The following PDE12 variants were observed in gnomAD, a reference collection of about 807,000 sequenced individuals.
The protein encoded by PDE12 is 2',5'-phosphodiesterase 12.
Under a neutral mutation model 45.4 loss-of-function variants are expected in PDE12, and 26 were observed. The observed-to-expected ratio is 0.57, with a 90% CI of 0.42 to 0.79. PDE12 has a LOEUF of 0.79. PDE12 is among the 30% of genes least tolerant of loss of function. The pLI, the probability that PDE12 is intolerant of heterozygous loss-of-function variation, is 0.00. For synonymous variants in PDE12, 283 were observed against 323.9 expected, an observed-to-expected ratio of 0.87 and a Z score of 1.36; for missense variants, 668 against 790.0, an observed-to-expected ratio of 0.85 and a Z score of 1.85.
At chr3:57,619,586 TGGCTC>T in the PDE12 span, 3 of 152,292 alleles carry the variant, frequency 2.0e-5, no homozygotes, top group Non-Finnish European at 4.4e-5. Context: ...CTGGGTGCGG[TGGCTC>T]ACGCCTGTAA....
the PDE12 span, chr3:57,577,184 TTTC>T: frequency 2.4e-5 from 18 of 743,772 alleles, no homozygotes; most frequent in African/African-American, 2.3e-4. Flanking sequence ...GATAATATAG[TTTC>T]TTAAGTTTAT....
the PDE12 span, among the ~76,000 whole-genome samples, chr3:57,608,606 G>C: frequency 2.4e-3 from 359 of 151,968 alleles, no homozygotes; most frequent in Middle Eastern, 0.014. Context: ...TGATAAAACA[G>C]ACTTTAAACC....
chr3:57,575,750 A>G, the PDE12 span: 529 of 1,423,396 alleles, frequency 3.7e-4, no homozygotes, highest in Non-Finnish European at 4.7e-4. Context: ...TATATACTTT[A>G]CTCAGCATTA....
Position 57,561,813 on chromosome 3 carries a change from TAGTA to T in PDE12, c.*1813_*1816del. 1 of 984,850 alleles carries T rather than the reference TAGTA, an allele frequency of 1.0e-6. No individual in the cohort carries two copies. Among genetic ancestry groups the T allele is most frequent in the Non-Finnish European group, 1.2e-6 (1 of 829,424 alleles). The allele number at this position is 984,850 out of a possible 1,614,324, so 61.0% of individuals were successfully genotyped here. A position where few individuals can be genotyped will look rare whatever the true frequency, so the allele number is the denominator to read the frequency against. On this transcript the variant is annotated 3_prime_UTR_variant, in exon 3 of 3. Transcript: ENST00000311180. ...CACTATCAAATGTATTGTTAACACT[TAGTA>T]AGTTTGAAAATGAAGGGGTTTTATC...
At chr3:57,612,564 A>AGAT in the PDE12 span, among the ~76,000 whole-genome samples, 2 of 152,042 alleles carry the variant, frequency 1.3e-5, no homozygotes, top group African/African-American at 4.8e-5. Flanking sequence ...CAAAGCCAGG[A>AGAT]GATTGAGACC....
the PDE12 span, among the ~76,000 whole-genome samples, chr3:57,655,931 A>G: frequency 9.2e-5 from 14 of 152,222 alleles, no homozygotes; most frequent in Non-Finnish European, 1.8e-4. Flanking sequence ...AATTCTGCAA[A>G]TTATTCCTTA....
chr3:57,643,556 G>A, the PDE12 span, among the ~76,000 whole-genome samples: 1 of 152,096 alleles, frequency 6.6e-6, no homozygotes, highest in Non-Finnish European at 1.5e-5. Context: ...GGCCAGGCAC[G>A]GTGGCTCACG....
chr3:57,626,207 C>T, the PDE12 span: 2 of 152,712 alleles, frequency 1.3e-5, no homozygotes, highest in South Asian at 4.1e-4. Flanking sequence ...TCCATAAGAA[C>T]AGGGCACATT....
chr3:57,619,879 A>T, the PDE12 span, among the ~76,000 whole-genome samples: 1 of 151,546 alleles, frequency 6.6e-6, no homozygotes, highest in Middle Eastern at 3.2e-3. Flanking sequence ...CAAATAAAAA[A>T]TAAAAAAAAG....
At chr3:57,584,139 C>T in the PDE12 span, 1 of 735,408 alleles carries the variant, frequency 1.4e-6, no homozygotes, top group South Asian at 1.9e-5. Context: ...TAAGCCTAAA[C>T]ATCAACAGAG....
the PDE12 span, among the ~76,000 whole-genome samples, chr3:57,576,094 G>A: frequency 3.3e-5 from 5 of 151,960 alleles, no homozygotes; most frequent in Non-Finnish European, 7.4e-5. Context: ...ACAACAGTGG[G>A]ACAATAACAC....
the PDE12 span, chr3:57,628,775 A>G: frequency 5.7e-6 from 9 of 1,592,014 alleles, no homozygotes; most frequent in Non-Finnish European, 7.7e-6. Flanking sequence ...CTTCAAAGAA[A>G]AGTCAATTTA....
chr3:57,618,139 GAGGA>G, the PDE12 span, among the ~76,000 whole-genome samples: 2 of 152,106 alleles, frequency 1.3e-5, no homozygotes, highest in Admixed American at 6.6e-5. Flanking sequence ...CAAAAGTGAG[GAGGA>G]AGGGAGGGAG....
the PDE12 span, chr3:57,597,177 G>T: frequency 1.9e-6 from 3 of 1,590,472 alleles, no homozygotes; most frequent in East Asian, 2.2e-5. Flanking sequence ...GAAGCAGAAG[G>T]GGTTTGGGGC....
chr3:57,556,816 C>T lies in PDE12; in HGVS notation c.437C>T (p.Ala146Val), dbSNP rs2069666895. 2.5e-6 allele frequency: 4 copies of T among 1,613,094 alleles called. No individual in the cohort carries two copies. Among genetic ancestry groups the T allele is most frequent in the Non-Finnish European group, 3.4e-6 (4 of 1,179,352 alleles). The change falls in exon 1 of 3, where the codon GCG (alanine) becomes GTG (valine). Residue 146 changes from alanine (A) to valine (V), a missense_variant. By Grantham distance (64) the Ala-to-Val change is moderately conservative. This residue lies in a region of PDE12 where 580 missense variants were observed against 662.9 expected (regional missense o/e 0.87). Coordinates refer to ENST00000311180, the MANE Select transcript of PDE12 (RefSeq NM_177966.7). The surrounding 1 kb of genome is among the most constrained non-coding windows in gnomAD (Gnocchi z 5.0). ...AACGTGGATGCCTGGCAAGACGGCG[C>T]GGTGCTGCAGATCGGCGATGTTAAG... ...VLNVDAWQDG[A>V]VLQIGDVKYK... is the part of the protein sequence containing the mutation.
the PDE12 span, among the ~76,000 whole-genome samples, chr3:57,649,530 TAA>T: frequency 7.2e-6 from 1 of 139,170 alleles, no homozygotes; most frequent in Non-Finnish European, 1.5e-5. Flanking sequence ...AAGGAAGTCA[TAA>T]AAAAAAAAAA....
At chr3:57,656,443 GT>G in the PDE12 span, among the ~76,000 whole-genome samples, 1 of 151,956 alleles carries the variant, frequency 6.6e-6, no homozygotes, top group African/African-American at 2.4e-5. Flanking sequence ...GGATACTTCG[GT>G]TGTGTATAGT....
the PDE12 span, among the ~76,000 whole-genome samples, chr3:57,613,921 AAAG>A: frequency 6.0e-5 from 9 of 151,098 alleles, no homozygotes; most frequent in Admixed American, 4.6e-4. Context: ...AAAAAAAAAA[AAAG>A]AAATATGAAG....
the PDE12 span, chr3:57,645,788 G>A: frequency 1.3e-6 from 2 of 1,532,550 alleles, no homozygotes; most frequent in Non-Finnish European, 1.8e-6. Flanking sequence ...TAAAATAAAG[G>A]ACACAGAAAT....
Sources: allele counts gnomAD v4.1 joint callset (sites outside exome capture counted in the v4.1 genomes callset), GRCh38; gene constraint gnomAD v4.1.1; regional missense constraint gnomAD v4.1.1; non-coding constraint Gnocchi (gnomAD v3.1); transcripts MANE v1.5; gene names NCBI Gene and HGNC (gene_info 2026-07-23, HGNC 2026-07-21).